Variants in ARFIP1 observed in about 807,000 individuals in gnomAD.
ARFIP1 encodes ARF interacting protein 1.
Under a neutral mutation model 42.5 loss-of-function variants are expected in ARFIP1, and 24 were observed. The observed-to-expected ratio is 0.57, with a 90% CI of 0.41 to 0.80. The LOEUF is 0.80. Ranked by LOEUF, ARFIP1 falls within the 30% of genes least tolerant of loss-of-function variation. ARFIP1 has a pLI of 0.00. For missense variants in ARFIP1, 354 were observed against 434.0 expected (o/e 0.82, Z 1.64); for synonymous variants, 141 against 153.7 (o/e 0.92, Z 0.61).
At chr4:152,853,486 C>A (rs1469039337) in intron 2 of ARFIP1, among the ~76,000 whole-genome samples, 1 of 152,144 alleles carries the variant, frequency 6.6e-6, no homozygotes, top group East Asian at 1.9e-4. Flanking sequence ...ATATGTCATA[C>A]CATTTTCTCC....
At chr4:152,869,728 C>T (rs1008450424) in intron 3 of ARFIP1, among the ~76,000 whole-genome samples, 23 of 152,154 alleles carry the variant, frequency 1.5e-4, no homozygotes, top group Admixed American at 6.5e-5. Context: ...CGCTCTCAGC[C>T]AGTAGTTAAT....
At chr4:152,864,712 C>T (rs1734175609) in intron 3 of ARFIP1, among the ~76,000 whole-genome samples, 1 of 152,124 alleles carries the variant, frequency 6.6e-6, no homozygotes. Context: ...ACAGCTTAAG[C>T]ACAGTGAGGC....
intron 1 of ARFIP1, among the ~76,000 whole-genome samples, chr4:152,781,420 A>G (rs1007644826): frequency 1.1e-4 from 16 of 151,898 alleles, no homozygotes; most frequent in Non-Finnish European, 2.9e-5. Context: ...TATTTTTAGT[A>G]GAGACGGGGT....
At chr4:152,857,497 C>G (rs930316713) in intron 2 of ARFIP1, among the ~76,000 whole-genome samples, 1 of 152,192 alleles carries the variant, frequency 6.6e-6, no homozygotes, top group African/African-American at 2.4e-5. Flanking sequence ...TCCCAGTTTT[C>G]TCATCTGTAA....
intron 3 of ARFIP1, among the ~76,000 whole-genome samples, chr4:152,865,704 G>C (rs1308852026): frequency 6.6e-6 from 1 of 152,012 alleles, no homozygotes; most frequent in African/African-American, 2.4e-5. Flanking sequence ...TCTTATATCA[G>C]GGATAATTTT....
intron 2 of ARFIP1, among the ~76,000 whole-genome samples, chr4:152,856,197 C>G (rs773576163): frequency 2.0e-5 from 3 of 152,202 alleles, no homozygotes; most frequent in Non-Finnish European, 4.4e-5. Context: ...AGCTCCCCTC[C>G]TCTCAGATAG....
At chr4:152,782,397 C>T (rs776689316) in intron 1 of ARFIP1, among the ~76,000 whole-genome samples, 3 of 152,148 alleles carry the variant, frequency 2.0e-5, no homozygotes, top group Admixed American at 2.0e-4. Context: ...GGAAATGAGG[C>T]TGCCCACTTT....
chr4:152,796,444 A>C (rs1731474556), intron 1 of ARFIP1: 3 of 741,196 alleles, frequency 4.0e-6, no homozygotes, highest in South Asian at 2.9e-5. Flanking sequence ...GAATAACTTA[A>C]TGCTTCTGTT....
chr4:152,806,845 C>CTTTTTT (rs796638165), intron 1 of ARFIP1, among the ~76,000 whole-genome samples: 1 of 133,066 alleles, frequency 7.5e-6, no homozygotes, highest in Admixed American at 7.5e-5. Context: ...CTTTTTCTTT[C>CTTTTTT]TTTTTTTTTT....
intron 3 of ARFIP1, 27 bp from the exon 4 acceptor site, chr4:152,870,726 T>C (rs1473542316): frequency 6.5e-7 from 1 of 1,538,784 alleles, no homozygotes. Flanking sequence ...AAAAGGATTT[T>C]CACAGTTAAA....
chr4:152,880,903 C>T (rs1735789364), intron 5 of ARFIP1, 60 bp from the exon 6 acceptor site: 1 of 1,374,658 alleles, frequency 7.3e-7, no homozygotes, highest in South Asian at 1.2e-5. Context: ...GCCATATGCT[C>T]TAGCATTTAT....
intron 2 of ARFIP1, among the ~76,000 whole-genome samples, chr4:152,858,184 C>T (rs1419774432): frequency 1.3e-5 from 2 of 152,032 alleles, no homozygotes; most frequent in Non-Finnish European, 2.9e-5. Context: ...CCCAGCTACT[C>T]GGGAGGCTGA....
chr4:152,795,583 A>T (rs75220797), intron 1 of ARFIP1, among the ~76,000 whole-genome samples: 1 of 152,082 alleles, frequency 6.6e-6, no homozygotes, highest in Admixed American at 6.6e-5. Context: ...TTAAGTGTAT[A>T]TGTCATTTTG....
intron 1 of ARFIP1, among the ~76,000 whole-genome samples, chr4:152,817,998 T>A (rs934413615): frequency 2.0e-5 from 3 of 152,208 alleles, no homozygotes; most frequent in African/African-American, 7.2e-5. Flanking sequence ...CCTTGTGCAC[T>A]GATGGTGGAA....
chr4:152,785,117 G>A (rs1380725735), intron 1 of ARFIP1, among the ~76,000 whole-genome samples: 2 of 152,222 alleles, frequency 1.3e-5, no homozygotes, highest in African/African-American at 4.8e-5. Context: ...CTTGGAAGCT[G>A]TGGAGTGGGG....
intron 2 of ARFIP1, among the ~76,000 whole-genome samples, chr4:152,840,862 G>A (rs1373596902): frequency 6.6e-6 from 1 of 150,916 alleles, no homozygotes; most frequent in Non-Finnish European, 1.5e-5. Context: ...GGGATTACAA[G>A]GCACCCACCA....
chr4:152,896,483 A>C (rs1476289429), intron 8 of ARFIP1, among the ~76,000 whole-genome samples: 3 of 152,208 alleles, frequency 2.0e-5, no homozygotes, highest in Admixed American at 2.0e-4. Flanking sequence ...GAAAATAGCA[A>C]AGCACAAAGT....
chr4:152,784,157 A>G (rs965071738), intron 1 of ARFIP1, among the ~76,000 whole-genome samples: 19 of 152,226 alleles, frequency 1.2e-4, no homozygotes, highest in African/African-American at 4.6e-4. Context: ...GAGTTGTTCC[A>G]CTTAATATGG....
chr4:152,805,984 G>T (rs1388119150), intron 1 of ARFIP1, among the ~76,000 whole-genome samples: 4 of 152,190 alleles, frequency 2.6e-5, no homozygotes, highest in Non-Finnish European at 5.9e-5. Flanking sequence ...TGGGGCCTGG[G>T]GCTGGGCAGC....
Sources: allele counts gnomAD v4.1 joint callset (sites outside exome capture counted in the v4.1 genomes callset), GRCh38; gene constraint gnomAD v4.1.1; transcripts MANE v1.5; gene names NCBI Gene and HGNC (gene_info 2026-07-23, HGNC 2026-07-21).